Variants in ANKS1B observed in about 807,000 individuals in gnomAD.
ANKS1B encodes ankyrin repeat and sterile alpha motif domain containing 1B.
ANKS1B carries 36 observed loss-of-function variants against 148.3 expected under a neutral mutation model. That is an observed-to-expected ratio of 0.24 (90% confidence interval 0.19 to 0.32). The LOEUF is 0.32. ANKS1B is among the 10% of genes least tolerant of loss of function. The pLI, the probability that ANKS1B is intolerant of heterozygous loss-of-function variation, is 1.00. For missense variants in ANKS1B, 1,157 were observed against 1,542.6 expected, an observed-to-expected ratio of 0.75 and a Z score of 4.19; for synonymous variants, 542 against 560.8, an observed-to-expected ratio of 0.97 and a Z score of 0.47.
chr12:99,284,221 C>T (rs2078830369), intron 12 of ANKS1B, among the ~76,000 whole-genome samples: 1 of 152,178 alleles, frequency 6.6e-6, no homozygotes. Flanking sequence ...ATCCCTCCTC[C>T]TCTTCCCCAC....
At chr12:99,303,320 C>A (rs1334155973) in intron 12 of ANKS1B, among the ~76,000 whole-genome samples, 3 of 152,068 alleles carry the variant, frequency 2.0e-5, no homozygotes, top group Non-Finnish European at 4.4e-5. Context: ...TTTTCTGTTT[C>A]AAGGAGAAAA....
At chr12:99,378,587 G>A (rs1267656690) in intron 12 of ANKS1B, among the ~76,000 whole-genome samples, 12 of 150,608 alleles carry the variant, frequency 8.0e-5, no homozygotes, top group Middle Eastern at 3.4e-3. Flanking sequence ...CCTGGGAGGC[G>A]GAGGTTGCAG....
intron 15 of ANKS1B, among the ~76,000 whole-genome samples, chr12:99,114,140 C>T (rs2060856172): frequency 6.6e-6 from 1 of 152,064 alleles, no homozygotes; most frequent in South Asian, 2.1e-4. Flanking sequence ...TTCATTTCAC[C>T]AATTAGGAAA....
chr12:99,564,345 C>T (rs546297740), intron 9 of ANKS1B, among the ~76,000 whole-genome samples: 33 of 151,516 alleles, frequency 2.2e-4, no homozygotes, highest in South Asian at 6.2e-4. Flanking sequence ...TAGACGCATA[C>T]GTGCTGATAC....
intron 19 of ANKS1B, among the ~76,000 whole-genome samples, chr12:98,821,448 C>G (rs530902438): frequency 7.2e-5 from 11 of 152,182 alleles, no homozygotes; most frequent in Non-Finnish European, 1.5e-4. Context: ...GGAGCTAAAA[C>G]CACCCCTGGT....
intron 8 of ANKS1B, among the ~76,000 whole-genome samples, chr12:99,753,668 T>A (rs2061316713): frequency 6.6e-6 from 1 of 150,698 alleles, no homozygotes; most frequent in African/African-American, 2.4e-5. Context: ...GAGGACAGAG[T>A]CAAATCTACA....
intron 9 of ANKS1B, among the ~76,000 whole-genome samples, chr12:99,612,056 A>AAAT (rs2097906954): frequency 6.6e-6 from 1 of 151,744 alleles, no homozygotes; most frequent in East Asian, 1.9e-4. Flanking sequence ...TTAGAGCAAA[A>AAAT]TTGTCAGTTA....
intron 8 of ANKS1B, among the ~76,000 whole-genome samples, chr12:99,756,578 T>A (rs576684156): frequency 2.7e-4 from 41 of 152,120 alleles, no homozygotes; most frequent in South Asian, 2.3e-3. Flanking sequence ...AAAAACTACT[T>A]TAAAATGAAT....
rs1009375979 is a variant in ANKS1B, at chr12:99,501,085, A to G, written c.1438+3391T>C. Among the ~76,000 whole-genome samples the G allele has an allele frequency of 2.7e-5, 4 of 146,576 alleles. No individual in the cohort carries two copies. The East Asian group carries it at 7.8e-4, about 28-fold the overall frequency. On this transcript the variant is annotated intron_variant, in intron 10 of 26. Transcript: ENST00000683438. The stretch of plus-strand genomic sequence containing the variant: ...AGTAATTGGAATTTTTTTCATTTCT[A>G]AAAGTTTTTTTTTTCCTCTCCAATA...
chr12:99,215,853 TA>T (rs2084089658), intron 14 of ANKS1B, among the ~76,000 whole-genome samples: 1 of 152,186 alleles, frequency 6.6e-6, no homozygotes, highest in Non-Finnish European at 1.5e-5. Context: ...GAGTTAATGC[TA>T]AAATGAGTTA....
intron 17 of ANKS1B, among the ~76,000 whole-genome samples, chr12:99,018,612 C>T (rs2099943944): frequency 6.6e-6 from 1 of 152,154 alleles, no homozygotes; most frequent in Non-Finnish European, 1.5e-5. Context: ...TTCTGTGTCA[C>T]TTCTACTCAT....
intron 12 of ANKS1B, among the ~76,000 whole-genome samples, chr12:99,326,751 G>A (rs2086382322): frequency 6.6e-6 from 1 of 151,032 alleles, no homozygotes; most frequent in Non-Finnish European, 1.5e-5. Flanking sequence ...CTTGTTTAAA[G>A]AAACCTGATA....
chr12:99,680,497 T>C (rs2098608073), intron 8 of ANKS1B, among the ~76,000 whole-genome samples: 1 of 151,304 alleles, frequency 6.6e-6, no homozygotes, highest in South Asian at 2.1e-4. Flanking sequence ...AGGGGAGCCA[T>C]TTCTGACTTT....
intron 14 of ANKS1B, chr12:99,154,885 G>T (rs1200423519): frequency 3.3e-6 from 5 of 1,534,702 alleles, no homozygotes; most frequent in Admixed American, 2.0e-5. Context: ...GCTACACCTC[G>T]CATTTTCAAT....
chr12:99,733,393 T>A (rs2059345675), intron 8 of ANKS1B, among the ~76,000 whole-genome samples: 2 of 152,034 alleles, frequency 1.3e-5, no homozygotes, highest in South Asian at 4.1e-4. Flanking sequence ...CACTTATGAG[T>A]GAGAAAATTA....
chr12:99,127,711 C>T (rs746629034), intron 15 of ANKS1B, among the ~76,000 whole-genome samples: 5 of 152,186 alleles, frequency 3.3e-5, no homozygotes, highest in Non-Finnish European at 7.3e-5. Context: ...TGTCTCTAGA[C>T]ATTTTTTAGA....
intron 12 of ANKS1B, among the ~76,000 whole-genome samples, chr12:99,331,049 G>GA (rs2087442338): frequency 2.0e-5 from 3 of 151,882 alleles, no homozygotes; most frequent in Non-Finnish European, 2.9e-5. Context: ...CTAGGGGTGG[G>GA]AAAAAAGCTT....
intron 8 of ANKS1B, among the ~76,000 whole-genome samples, chr12:99,659,890 C>T (rs1208946792): frequency 6.6e-6 from 1 of 152,080 alleles, no homozygotes; most frequent in East Asian, 1.9e-4. Flanking sequence ...GTCTTTCTAC[C>T]ACACCATGGA....
intron 17 of ANKS1B, among the ~76,000 whole-genome samples, chr12:99,004,688 G>C (rs1294924377): frequency 6.6e-6 from 1 of 152,140 alleles, no homozygotes; most frequent in African/African-American, 2.4e-5. Flanking sequence ...AATGCCCTAT[G>C]AAAATCTCCC....
Sources: allele counts gnomAD v4.1 joint callset (sites outside exome capture counted in the v4.1 genomes callset), GRCh38; gene constraint gnomAD v4.1.1; transcripts MANE v1.5; gene names NCBI Gene and HGNC (gene_info 2026-07-23, HGNC 2026-07-21).